Variants in ADAMTSL1 observed in about 807,000 individuals in gnomAD.
ADAMTSL1 encodes ADAMTS like 1.
A neutral mutation model predicts 201.8 loss-of-function variants in ADAMTSL1; 126 were observed. That is an observed-to-expected ratio of 0.62 (90% CI 0.54 to 0.72). ADAMTSL1 has a LOEUF of 0.72. ADAMTSL1 is among the 30% of genes least tolerant of loss of function. The pLI, the probability that ADAMTSL1 is intolerant of heterozygous loss-of-function variation, is 0.00. For missense variants in ADAMTSL1, 2,679 were observed against 2,277.8 expected, an observed-to-expected ratio of 1.18 and a Z score of -3.59; for synonymous variants, 1,121 against 903.4, an observed-to-expected ratio of 1.24 and a Z score of -4.32.
intron 1 of ADAMTSL1, among the ~76,000 whole-genome samples, chr9:18,135,627 TA>T (rs978576501): frequency 3.9e-5 from 6 of 151,904 alleles, no homozygotes; most frequent in East Asian, 3.9e-4. Flanking sequence ...AACCCTGCTT[TA>T]AAAAAAATAC....
intron 4 of ADAMTSL1, among the ~76,000 whole-genome samples, chr9:18,605,795 T>C (rs950129405): frequency 6.6e-6 from 1 of 152,334 alleles, no homozygotes; most frequent in Admixed American, 6.5e-5. Context: ...CTAAATGTTT[T>C]TATTTTACCT....
At chr9:18,868,924 A>G (rs1225291122) in intron 23 of ADAMTSL1, among the ~76,000 whole-genome samples, 1 of 152,194 alleles carries the variant, frequency 6.6e-6, no homozygotes, top group African/African-American at 2.4e-5. Context: ...TGAAATCCTA[A>G]TCTCCAGTAC....
intron 23 of ADAMTSL1, among the ~76,000 whole-genome samples, chr9:18,834,644 A>C (rs1364235457): frequency 6.6e-6 from 1 of 151,986 alleles, no homozygotes; most frequent in Non-Finnish European, 1.5e-5. Flanking sequence ...CCCCACCACT[A>C]CTGCTCCCAC....
chr9:18,060,570 G>A (rs1051367630), intron 1 of ADAMTSL1, among the ~76,000 whole-genome samples: 1 of 152,104 alleles, frequency 6.6e-6, no homozygotes, highest in Non-Finnish European at 1.5e-5. Flanking sequence ...AACAAGAAAT[G>A]TCTATCATTT....
intron 2 of ADAMTSL1, among the ~76,000 whole-genome samples, chr9:18,381,238 G>T (rs1057228268): frequency 6.6e-6 from 1 of 152,126 alleles, no homozygotes; most frequent in Non-Finnish European, 1.5e-5. Context: ...TTTCCCTCAT[G>T]TTTAAAGTTT....
chr9:17,991,011 A>C (rs1292859575), intron 1 of ADAMTSL1, among the ~76,000 whole-genome samples: 1 of 152,196 alleles, frequency 6.6e-6, no homozygotes, highest in East Asian at 1.9e-4. Flanking sequence ...TTGACAGAAA[A>C]TTCCAAACAC....
chr9:18,084,382 C>T (rs1033554511), intron 1 of ADAMTSL1, among the ~76,000 whole-genome samples: 3 of 151,884 alleles, frequency 2.0e-5, no homozygotes, highest in African/African-American at 4.8e-5. Context: ...ATTAGCTGGG[C>T]GCGGTGGTGT....
At chr9:18,145,623 C>G (rs971921832) in intron 1 of ADAMTSL1, among the ~76,000 whole-genome samples, 13 of 152,022 alleles carry the variant, frequency 8.6e-5, no homozygotes, top group African/African-American at 2.9e-4. Flanking sequence ...GGATTATAGA[C>G]CTAAGTGTAA....
intron 9 of ADAMTSL1, among the ~76,000 whole-genome samples, chr9:18,672,547 A>G (rs1326253070): frequency 6.6e-6 from 1 of 152,214 alleles, no homozygotes; most frequent in Non-Finnish European, 1.5e-5. Context: ...TACATGTGTC[A>G]CATGAACACA....
intron 2 of ADAMTSL1, among the ~76,000 whole-genome samples, chr9:18,264,177 C>T (rs1244144830): frequency 6.6e-6 from 1 of 151,996 alleles, no homozygotes. Flanking sequence ...CTACTCAATC[C>T]AGTTATTTAT....
At chr9:18,880,500 G>A (rs1048086879) in intron 23 of ADAMTSL1, among the ~76,000 whole-genome samples, 1 of 152,174 alleles carries the variant, frequency 6.6e-6, no homozygotes, top group Non-Finnish European at 1.5e-5. Context: ...TGGGTAGACA[G>A]GTGCATTGTC....
chr9:18,791,595 A>G (rs1264953761), intron 19 of ADAMTSL1, among the ~76,000 whole-genome samples: 1 of 152,188 alleles, frequency 6.6e-6, no homozygotes. Flanking sequence ...ATAACTATGT[A>G]CCCTTGAGCT....
intron 2 of ADAMTSL1, among the ~76,000 whole-genome samples, chr9:18,363,207 T>A (rs139565810): frequency 6.6e-6 from 1 of 152,312 alleles, no homozygotes; most frequent in Non-Finnish European, 1.5e-5. Flanking sequence ...TCTGTCTAGA[T>A]GAGGTGTTGA....
chr9:18,648,667 G>T (rs12340707), intron 7 of ADAMTSL1, among the ~76,000 whole-genome samples: 2,827 of 147,558 alleles, frequency 0.019, 14 homozygotes, highest in African/African-American at 0.07. Context: ...GGCTGGATAT[G>T]AAATTCTGGG....
intron 6 of ADAMTSL1, among the ~76,000 whole-genome samples, 167 bp from the exon 7 acceptor site, chr9:18,639,087 T>A (rs1409897497): frequency 6.6e-6 from 1 of 152,148 alleles, no homozygotes; most frequent in Non-Finnish European, 1.5e-5. Flanking sequence ...CCTATGTGAC[T>A]CAGCAGTGCC....
At chr9:18,267,780 A>AAAAAAAAAT (rs1832185945) in intron 2 of ADAMTSL1, among the ~76,000 whole-genome samples, 1 of 148,570 alleles carries the variant, frequency 6.7e-6, no homozygotes, top group African/African-American at 2.5e-5. Context: ...AAAAACAAAA[A>AAAAAAAAAT]CAAAAACAAA....
intron 15 of ADAMTSL1, chr9:18,723,955 C>A (rs1817709849): frequency 6.6e-6 from 1 of 152,224 alleles, no homozygotes; most frequent in Non-Finnish European, 1.5e-5. Context: ...AACCCACAAC[C>A]TCTGTTCTGT....
intron 14 of ADAMTSL1, 30 bp downstream of exon 14, chr9:18,707,078 C>T (rs762744309): frequency 1.6e-5 from 25 of 1,593,396 alleles, no homozygotes; most frequent in East Asian, 4.5e-5. Flanking sequence ...CTCAGATCCC[C>T]GCCATCTTCT....
chr9:18,210,412 A>G (rs1266781886), intron 2 of ADAMTSL1, among the ~76,000 whole-genome samples: 1 of 146,188 alleles, frequency 6.8e-6, no homozygotes, highest in Non-Finnish European at 1.5e-5. Flanking sequence ...ATTATTATAT[A>G]TGATATATAT....
Sources: allele counts gnomAD v4.1 joint callset (sites outside exome capture counted in the v4.1 genomes callset), GRCh38; gene constraint gnomAD v4.1.1; transcripts MANE v1.5; gene names NCBI Gene and HGNC (gene_info 2026-07-23, HGNC 2026-07-21).